Variants in BMPR2 observed in about 807,000 individuals in gnomAD.
The protein encoded by BMPR2 is bone morphogenetic protein receptor type 2.
In BMPR2, 29 loss-of-function variants were observed where a neutral mutation model predicts 100.8. That is an observed-to-expected ratio of 0.29 (90% CI 0.21 to 0.39). BMPR2 has a LOEUF of 0.39. BMPR2 is among the 10% of genes least tolerant of loss of function. The pLI, the probability that BMPR2 is intolerant of heterozygous loss-of-function variation, is 1.00. For synonymous variants in BMPR2, 382 were observed against 442.3 expected (o/e 0.86, Z 1.71); for missense variants, 1,011 against 1,274.5 (o/e 0.79, Z 3.15).
intron 7 of BMPR2, chr2:202,520,444 A>G: frequency 3.7e-6 from 2 of 537,168 alleles, no homozygotes; most frequent in Non-Finnish European, 6.6e-6. Context: ...CTCCTGGGCT[A>G]CCTGGAGGCT....
At chr2:202,400,945 T>A (rs1031551050) in intron 1 of BMPR2, among the ~76,000 whole-genome samples, 1 of 152,226 alleles carries the variant, frequency 6.6e-6, no homozygotes, top group African/African-American at 2.4e-5. Flanking sequence ...ATTCTTGATT[T>A]AGATAAAATG....
intron 3 of BMPR2, among the ~76,000 whole-genome samples, chr2:202,493,378 A>G (rs566485085): frequency 6.6e-6 from 1 of 152,204 alleles, no homozygotes; most frequent in South Asian, 2.1e-4. Flanking sequence ...CAATAGAGGT[A>G]ATTAAAGTAG....
At chr2:202,556,565 G>A (rs773210227) in intron 12 of BMPR2, 34 bp downstream of exon 12, 1 of 1,600,190 alleles carries the variant, frequency 6.2e-7, no homozygotes, top group South Asian at 1.1e-5. Flanking sequence ...TCTCCTGTGT[G>A]TCTTTTGGGG....
intron 3 of BMPR2, among the ~76,000 whole-genome samples, chr2:202,491,432 A>T (rs970933458): frequency 1.2e-4 from 18 of 148,316 alleles, no homozygotes; most frequent in Non-Finnish European, 2.5e-4. Flanking sequence ...TTTATTTTTT[A>T]TTTTTTTTTG....
chr2:202,393,882 C>CAAGAGAGAGAGAGA (rs1553494887), intron 1 of BMPR2, among the ~76,000 whole-genome samples: 1 of 97,870 alleles, frequency 1.0e-5, no homozygotes, highest in African/African-American at 3.6e-5. Flanking sequence ...AATGAGAGAG[C>CAAGAGAGAGAGAGA]GAGAGAGAGA....
intron 3 of BMPR2, among the ~76,000 whole-genome samples, chr2:202,470,368 C>T (rs967270226): frequency 2.0e-5 from 3 of 151,808 alleles, no homozygotes; most frequent in Admixed American, 6.6e-5. Flanking sequence ...AAAAAAGGAA[C>T]GAAGCCTTCT....
intron 1 of BMPR2, among the ~76,000 whole-genome samples, chr2:202,439,095 G>A (rs1691676837): frequency 1.3e-5 from 2 of 150,250 alleles, no homozygotes; most frequent in Admixed American, 1.3e-4. Context: ...TAATCAGTGA[G>A]CATGGGATGT....
At chr2:202,488,166 C>G (rs899708626) in intron 3 of BMPR2, among the ~76,000 whole-genome samples, 3 of 152,146 alleles carry the variant, frequency 2.0e-5, no homozygotes, top group African/African-American at 7.2e-5. Context: ...GATTTTGTTT[C>G]TCATTCTCTT....
intron 5 of BMPR2, 94 bp downstream of exon 5, chr2:202,515,073 T>C: frequency 8.1e-7 from 1 of 1,231,570 alleles, no homozygotes; most frequent in Middle Eastern, 1.9e-4. Flanking sequence ...TTCATTCATT[T>C]ATTTAACCCT....
At chr2:202,501,341 A>C (rs903656033) in intron 3 of BMPR2, among the ~76,000 whole-genome samples, 2 of 152,082 alleles carry the variant, frequency 1.3e-5, no homozygotes, top group African/African-American at 4.8e-5. Context: ...GCTCCTCTAT[A>C]CTCTAATCAA....
chr2:202,531,965 A>G (rs1574494279), intron 8 of BMPR2, among the ~76,000 whole-genome samples: 3 of 75,178 alleles, frequency 4.0e-5, no homozygotes, highest in Non-Finnish European at 7.2e-5. Context: ...TTTGAGACGG[A>G]GTCTCTCTCT....
At chr2:202,533,553 G>A (rs894200355) in intron 9 of BMPR2, among the ~76,000 whole-genome samples, 3 of 151,694 alleles carry the variant, frequency 2.0e-5, no homozygotes, top group African/African-American at 4.8e-5. Flanking sequence ...GGCCTGGCGC[G>A]GTGGCTTACA....
intron 1 of BMPR2, among the ~76,000 whole-genome samples, chr2:202,397,688 C>T (rs1185711424): frequency 2.0e-5 from 3 of 151,478 alleles, no homozygotes; most frequent in Admixed American, 6.6e-5. Flanking sequence ...TTTTTAGAGA[C>T]AGGGTCTCAC....
chr2:202,549,919 G>GAGGGA (rs1688445781), intron 10 of BMPR2, among the ~76,000 whole-genome samples: 1 of 151,890 alleles, frequency 6.6e-6, no homozygotes, highest in Non-Finnish European at 1.5e-5. Flanking sequence ...GGGGGTGGTG[G>GAGGGA]AGGGAGTACA....
At chr2:202,440,268 G>GCTGCAATCTCGGCACTTTGGGA (rs1691708572) in intron 1 of BMPR2, among the ~76,000 whole-genome samples, 2 of 150,070 alleles carry the variant, frequency 1.3e-5, no homozygotes, top group Admixed American at 6.6e-5. Flanking sequence ...CCGGGCAGAG[G>GCTGCAATCTCGGCACTTTGGGA]GGCTCCTCAC....
intron 3 of BMPR2, among the ~76,000 whole-genome samples, chr2:202,481,849 C>T (rs2105974038): frequency 6.6e-6 from 1 of 152,226 alleles, no homozygotes; most frequent in South Asian, 2.1e-4. Context: ...TGGTAAAATA[C>T]ACAAAATGTG....
intron 1 of BMPR2, among the ~76,000 whole-genome samples, chr2:202,460,786 T>C (rs924795481): frequency 6.6e-6 from 1 of 151,020 alleles, no homozygotes; most frequent in Non-Finnish European, 1.5e-5. Flanking sequence ...CATACATTAA[T>C]ATTATTTTCC....
chr2:202,482,808 G>T (rs968910282), intron 3 of BMPR2, among the ~76,000 whole-genome samples: 2 of 152,050 alleles, frequency 1.3e-5, no homozygotes, highest in African/African-American at 4.8e-5. Context: ...CAAAGTGCTG[G>T]GATTACAGGC....
intron 1 of BMPR2, among the ~76,000 whole-genome samples, chr2:202,432,500 C>A (rs186768257): frequency 1.3e-4 from 19 of 150,316 alleles, no homozygotes; most frequent in Non-Finnish European, 2.2e-4. Flanking sequence ...TGCTGTAACA[C>A]GTCTTACCAT....
Sources: allele counts gnomAD v4.1 joint callset (sites outside exome capture counted in the v4.1 genomes callset), GRCh38; gene constraint gnomAD v4.1.1; transcripts MANE v1.5; gene names NCBI Gene and HGNC (gene_info 2026-07-23, HGNC 2026-07-21).